LCOR: variants seen among roughly 807,000 people sequenced by gnomAD.
The protein encoded by LCOR is ligand dependent nuclear receptor corepressor.
LCOR carries 14 observed loss-of-function variants against 64.4 expected under a neutral mutation model. The observed-to-expected ratio is 0.22, with a 90% confidence interval of 0.14 to 0.34. The LOEUF is 0.34. LCOR is among the 10% of genes least tolerant of loss of function. LCOR has a pLI of 1.00. For missense variants in LCOR, 1,686 were observed against 1,765.3 expected (o/e 0.96, Z 0.80); for synonymous variants, 643 against 642.5 (o/e 1.00, Z -0.01).
intron 7 of LCOR, among the ~76,000 whole-genome samples, chr10:96,975,420 C>T (rs7090441): frequency 0.14 from 21,119 of 151,858 alleles, 1,999 homozygotes; most frequent in African/African-American, 0.26. Context: ...CCAGACATCT[C>T]AGGTTCAGAA....
At chr10:96,860,823 T>A (rs938772115) in intron 2 of LCOR, among the ~76,000 whole-genome samples, 1 of 152,234 alleles carries the variant, frequency 6.6e-6, no homozygotes, top group Non-Finnish European at 1.5e-5. Flanking sequence ...TAAACATTTC[T>A]TAGTGTGTCC....
intron 6 of LCOR, among the ~76,000 whole-genome samples, chr10:96,949,507 C>A (rs1847642531): frequency 6.6e-6 from 1 of 152,134 alleles, no homozygotes; most frequent in Non-Finnish European, 1.5e-5. Context: ...GATTGATGTA[C>A]CACTCAGGAA....
intron 7 of LCOR, among the ~76,000 whole-genome samples, chr10:96,965,808 A>C (rs1195822399): frequency 1.3e-5 from 2 of 152,098 alleles, no homozygotes; most frequent in Non-Finnish European, 2.9e-5. Flanking sequence ...TACTTAATCA[A>C]GATTTTTTAA....
At chr10:96,944,345 T>G (rs769043556) in intron 5 of LCOR, 100 bp downstream of exon 5, 5 of 624,088 alleles carry the variant, frequency 8.0e-6, no homozygotes, top group Admixed American at 6.3e-5. Flanking sequence ...AAAACATTTT[T>G]CTTTATTGAT....
At chr10:96,906,861 A>G (rs1846738087) in intron 2 of LCOR, among the ~76,000 whole-genome samples, 1 of 152,198 alleles carries the variant, frequency 6.6e-6, no homozygotes, top group Non-Finnish European at 1.5e-5. Context: ...CTCAACTGGT[A>G]TTTTGAAAAA....
At chr10:96,856,943 T>G (rs1845814905) in intron 2 of LCOR, among the ~76,000 whole-genome samples, 1 of 151,818 alleles carries the variant, frequency 6.6e-6, no homozygotes, top group African/African-American at 2.4e-5. Flanking sequence ...AAAGGAATAG[T>G]AGGGAACAGT....
intron 7 of LCOR, among the ~76,000 whole-genome samples, chr10:96,967,328 ACCATGGTTGGCCTG>A (rs1847960695): frequency 6.6e-6 from 1 of 152,042 alleles, no homozygotes; most frequent in Admixed American, 6.6e-5. Flanking sequence ...TTGGGGTTTC[ACCATGGTTGGCCTG>A]CCTGTTTTGG....
At chr10:96,870,579 A>G (rs1846056725) in intron 2 of LCOR, among the ~76,000 whole-genome samples, 1 of 152,192 alleles carries the variant, frequency 6.6e-6, no homozygotes, top group African/African-American at 2.4e-5. Context: ...TAAAGTTTTG[A>G]AAAACATGTG....
In LCOR at chr10:96,988,134, ATCT is replaced by A; in HGVS notation, c.*3004_*3006del. On this transcript the variant is annotated 3_prime_UTR_variant, in exon 8 of 8. Transcript: ENST00000421806. The stretch of plus-strand genomic sequence containing the variant: ...GAGGAGGGCCCTCTTCAGGACACCC[ATCT>A]TCTATCCTACGAGACTCCCTGCTAT... 6.6e-6 allele frequency: 1 copy of A among 152,296 alleles called. No individual in the cohort carries two copies. The highest frequency in any genetic ancestry group is 1.9e-4 in the East Asian group (1 of 5,188). The allele number at this position is 152,296 out of a possible 1,614,324, so 9.4% of individuals were successfully genotyped here. A position where few individuals can be genotyped will look rare whatever the true frequency, so the allele number is the denominator to read the frequency against.
At chr10:96,835,931 A>G (rs994208409) in intron 2 of LCOR, among the ~76,000 whole-genome samples, 2 of 152,204 alleles carry the variant, frequency 1.3e-5, no homozygotes, top group Non-Finnish European at 2.9e-5. Context: ...CTCTGAGACT[A>G]GGATGATCAG....
In LCOR at chr10:96,985,157, T is replaced by TA; in HGVS notation, c.*27dup. On this transcript the variant is annotated 3_prime_UTR_variant, in exon 8 of 8. Transcript: ENST00000421806. ...TGATTGGAAAGATGGTAGCCAAGAG[T>TA]AAAACTGTTCTATAGAAGTAACCTT... 1 of 1,572,160 alleles carries TA rather than the reference T, an allele frequency of 6.4e-7. No individual in the cohort carries two copies. Among genetic ancestry groups the TA allele is most frequent in the Non-Finnish European group, 8.6e-7 (1 of 1,164,210 alleles).
chr10:96,925,866 A>AT (rs1203343556), intron 4 of LCOR, among the ~76,000 whole-genome samples: 1 of 151,838 alleles, frequency 6.6e-6, no homozygotes, highest in Non-Finnish European at 1.5e-5. Context: ...TTTCTTCTGT[A>AT]TTTTTTAGTT....
At chr10:96,876,205 C>G (rs1052812490) in intron 2 of LCOR, among the ~76,000 whole-genome samples, 14 of 152,214 alleles carry the variant, frequency 9.2e-5, no homozygotes, top group African/African-American at 3.4e-4. Context: ...TGATGAGGGC[C>G]TTTTTGCCTC....
At chr10:96,876,340 C>T (rs1365903704) in intron 2 of LCOR, among the ~76,000 whole-genome samples, 1 of 152,208 alleles carries the variant, frequency 6.6e-6, no homozygotes, top group East Asian at 1.9e-4. Flanking sequence ...ATCCTAATTA[C>T]TTTCCAAAGG....
chr10:96,937,128 A>G (rs893603910), intron 4 of LCOR, among the ~76,000 whole-genome samples: 1 of 152,210 alleles, frequency 6.6e-6, no homozygotes, highest in Admixed American at 6.5e-5. Flanking sequence ...TGGTTGCCTT[A>G]TAAGGAGAAA....
intron 2 of LCOR, among the ~76,000 whole-genome samples, chr10:96,878,543 A>G (rs966851259): frequency 6.6e-6 from 1 of 152,206 alleles, no homozygotes; most frequent in Non-Finnish European, 1.5e-5. Context: ...TAGAGTTGCC[A>G]TTAACCAAGA....
chr10:96,977,874 A>T (rs1405596258), intron 7 of LCOR, among the ~76,000 whole-genome samples: 1 of 152,138 alleles, frequency 6.6e-6, no homozygotes, highest in Non-Finnish European at 1.5e-5. Context: ...TTTTAATTTG[A>T]TTCACTGACA....
chr10:96,840,241 G>A (rs1554830620), intron 2 of LCOR, among the ~76,000 whole-genome samples: 1 of 152,052 alleles, frequency 6.6e-6, no homozygotes, highest in Non-Finnish European at 1.5e-5. Context: ...ATGATTTTTG[G>A]TCTTCTTTTT....
At chr10:96,975,180 TAATAA>T (rs575780697) in intron 7 of LCOR, among the ~76,000 whole-genome samples, 13 of 151,984 alleles carry the variant, frequency 8.6e-5, no homozygotes, top group Non-Finnish European at 1.5e-4. Context: ...CAAAATAAAA[TAATAA>T]AATAAATACT....
Sources: gnomAD v4.1 joint callset for allele counts (sites outside exome capture counted in the v4.1 genomes callset) on GRCh38, gnomAD v4.1.1 for gene constraint, MANE v1.5 for transcripts, NCBI Gene and HGNC (gene_info 2026-07-23, HGNC 2026-07-21) for gene names.